NLRP8: variants seen among roughly 807,000 people sequenced by gnomAD.
The protein encoded by NLRP8 is NLR family pyrin domain containing 8, also known as NACHT, LRR and PYD domains-containing protein 8.
In NLRP8, 86 loss-of-function variants were observed where a neutral mutation model predicts 88.7. That is an observed-to-expected ratio of 0.97 (90% CI 0.81 to 1.16). The LOEUF (loss-of-function observed/expected upper bound fraction) is 1.16, where lower values mean the gene tolerates loss of function less well. Ranked by LOEUF, NLRP8 falls within the 50% of genes most tolerant of loss-of-function variation. NLRP8 has a pLI of 0.00. For missense variants in NLRP8, 1,342 were observed against 1,286.5 expected (o/e 1.04, Z -0.66); for synonymous variants, 504 against 494.6 (o/e 1.02, Z -0.25).
At chr19:55,967,105 G>A (rs1435909798) in intron 5 of NLRP8, among the ~76,000 whole-genome samples, 1 of 152,170 alleles carries the variant, frequency 6.6e-6, no homozygotes, top group Non-Finnish European at 1.5e-5. Context: ...ATTTTGGAAT[G>A]TACAATTTAT....
intron 3 of NLRP8, 78 bp from the exon 4 acceptor site, chr19:55,961,989 A>C: frequency 6.8e-7 from 1 of 1,478,464 alleles, no homozygotes. Context: ...AGGATAGGGA[A>C]CACCAGCCCT....
chr19:55,960,813 A>AT (rs1433485880), intron 3 of NLRP8, among the ~76,000 whole-genome samples: 6 of 152,016 alleles, frequency 3.9e-5, no homozygotes, highest in Middle Eastern at 3.4e-3. Context: ...TTTTCAATGA[A>AT]GTATTCTTTG....
At chr19:55,975,637 G>A (rs1019102822) in intron 7 of NLRP8, among the ~76,000 whole-genome samples, 12 of 152,158 alleles carry the variant, frequency 7.9e-5, no homozygotes, top group Non-Finnish European at 1.2e-4. Context: ...CAGCATGGAC[G>A]AATCTTCAAA....
At chr19:55,967,746 A>G (rs1437665977) in intron 5 of NLRP8, among the ~76,000 whole-genome samples, 1 of 152,256 alleles carries the variant, frequency 6.6e-6, no homozygotes, top group Non-Finnish European at 1.5e-5. Context: ...GCAGCCTGAA[A>G]GAGCTGATTT....
At chr19:55,956,142 G>T in intron 3 of NLRP8, 42 bp downstream of exon 3, 1 of 1,565,946 alleles carries the variant, frequency 6.4e-7, no homozygotes. Context: ...GTCCTACCCG[G>T]AGGCCTTGAC....
At chr19:55,977,387 TAA>T in intron 8 of NLRP8, among the ~76,000 whole-genome samples, 1 of 141,884 alleles carries the variant, frequency 7.0e-6, no homozygotes, top group African/African-American at 2.6e-5. Context: ...ATATATAAAA[TAA>T]ATACGAATAT....
At position 55,956,033 on chromosome 19, in the gene NLRP8, G is replaced by A. The variant is rs772502370; in HGVS notation, c.1975G>A (p.Glu659Lys). ...GCGGTGTCAATATTTGCATGAGGTGGAACTGACCGTCACCCTGAACTTCAT... is the reference window on the plus strand; with the variant it reads ...GCGGTGTCAATATTTGCATGAGGTGAAACTGACCGTCACCCTGAACTTCAT... Residue 659 changes from glutamate (E) to lysine (K), a missense_variant, in exon 3 of 10, where the codon GAA becomes AAA. Physicochemically the swap from Glu to Lys is moderately conservative, Grantham distance 56. Transcript: ENST00000291971. The A allele has an allele frequency of 1.2e-6, 2 of 1,614,128 alleles. No homozygotes were observed. The highest frequency in any genetic ancestry group is 1.7e-6 in the Non-Finnish European group (2 of 1,180,020).
chr19:55,965,591 G>C (rs936228145), intron 4 of NLRP8, among the ~76,000 whole-genome samples: 4 of 152,118 alleles, frequency 2.6e-5, no homozygotes, highest in African/African-American at 9.7e-5. Context: ...CGTTCCCTTT[G>C]CTTTAAGAAA....
chr19:55,952,559 C>A lies in NLRP8; in HGVS notation c.389C>A (p.Pro130Gln). The change falls in exon 2 of 10, where the codon CCA becomes CAA. Residue 130 changes from proline (P) to glutamine (Q), a missense_variant. Pro to Gln is a moderately conservative substitution (Grantham distance 76). Transcript: ENST00000291971. ...ACAGCCATTCTGCCTACCTTGGAACCAGAGGACTTGAATGTGGGAGAAACA... is the reference window on the plus strand; with the variant it reads ...ACAGCCATTCTGCCTACCTTGGAACAAGAGGACTTGAATGTGGGAGAAACA... 1 of 1,613,988 alleles carries A rather than the reference C, an allele frequency of 6.2e-7. No homozygotes were observed. The highest frequency in any genetic ancestry group is 8.5e-7 in the Non-Finnish European group (1 of 1,179,930).
In NLRP8 at chr19:55,984,172, G is replaced by A. The variant is rs10419311; in HGVS notation, c.3048-3642G>A. 2.2e-3 allele frequency among the ~76,000 whole-genome samples: 335 copies of A among 152,050 alleles called. 4 individuals carry two copies. The highest frequency in any genetic ancestry group is 7.8e-3 in the African/African-American group (322 of 41,462). ...CACAAACAATGTGATTACATACATA[G>A]AACAAGAACTGATAATCCTGGTAAA... is the stretch of plus-strand genomic sequence containing the variant. On this transcript the variant is annotated intron_variant, in intron 9 of 9. Coordinates refer to ENST00000291971, the MANE Select transcript of NLRP8 (RefSeq NM_176811.2).
chr19:55,976,079 GT>G lies in NLRP8; in HGVS notation c.2706-52del, dbSNP rs1332132004. 6.9e-4 allele frequency: 964 copies of G among 1,387,788 alleles called. 3 individuals carry two copies. Among genetic ancestry groups the G allele is most frequent in the East Asian group, 1.6e-3 (63 of 38,612 alleles). The allele number at this position is 1,387,788 out of a possible 1,614,324, so 86.0% of individuals were successfully genotyped here. A position where few individuals can be genotyped will look rare whatever the true frequency, so the allele number is the denominator to read the frequency against. On this transcript the variant is annotated intron_variant, in intron 7 of 9. Transcript: ENST00000291971. ...GGGTGTTTTCGTTGTTGTTGTTGTT[GT>G]TGTTTTGTTGTAGTTGTTGTTGTTG...
chr19:55,978,108 C>T (rs900424007), intron 8 of NLRP8, among the ~76,000 whole-genome samples: 1 of 152,032 alleles, frequency 6.6e-6, no homozygotes, highest in African/African-American at 2.4e-5. Context: ...TTTATGTTTC[C>T]AGTATACCTG....
chr19:55,974,994 G>A (rs113319674), intron 7 of NLRP8, among the ~76,000 whole-genome samples: 59 of 152,280 alleles, frequency 3.9e-4, no homozygotes, highest in Admixed American at 7.2e-4. Flanking sequence ...CTCCTGCTCT[G>A]TCACGAGGTA....
chr19:55,970,681 A>T lies in NLRP8; in HGVS notation c.2519A>T (p.Gln840Leu), dbSNP rs995329326. ...GGGGCGTATTACCTGTCTGTGGCCC[A>T]GCTGGAGAGGCTGTCGTAAGTCTCC... Residue 840 changes from glutamine (Q) to leucine (L), a missense_variant, in exon 6 of 10, where the codon CAG (glutamine) becomes CTG (leucine). Transcript: ENST00000291971. 2 of 1,614,078 alleles carry T rather than the reference A, an allele frequency of 1.2e-6. No individual in the cohort carries two copies. The highest frequency in any genetic ancestry group is 1.7e-6 in the Non-Finnish European group (2 of 1,179,984).
At chr19:55,957,724 T>TATAA (rs1979442408) in intron 3 of NLRP8, among the ~76,000 whole-genome samples, 1 of 96,384 alleles carries the variant, frequency 1.0e-5, no homozygotes, top group Non-Finnish European at 2.0e-5. Flanking sequence ...TATATATATA[T>TATAA]AAAATAAGGT....
intron 3 of NLRP8, 52 bp from the exon 4 acceptor site, chr19:55,962,015 A>AT (rs1600303738): frequency 6.3e-7 from 1 of 1,586,246 alleles, no homozygotes; most frequent in East Asian, 2.2e-5. Flanking sequence ...TTCCTAGTAG[A>AT]TTTTCTCCAG....
At chr19:55,980,867 G>A (rs2098107660) in intron 9 of NLRP8, among the ~76,000 whole-genome samples, 192 bp from the exon 10 acceptor site, 1 of 152,134 alleles carries the variant, frequency 6.6e-6, no homozygotes, top group Admixed American at 6.5e-5. Flanking sequence ...GGCTGTCTTG[G>A]TTGAACCCCA....
At chr19:55,974,484 G>A (rs1403294854) in intron 7 of NLRP8, among the ~76,000 whole-genome samples, 2 of 151,018 alleles carry the variant, frequency 1.3e-5, no homozygotes, top group African/African-American at 4.9e-5. Flanking sequence ...ACTGTTTTGG[G>A]AGGCCTGTAA....
At chr19:55,970,243 C>T (rs1980013941) in intron 5 of NLRP8, among the ~76,000 whole-genome samples, 1 of 152,022 alleles carries the variant, frequency 6.6e-6, no homozygotes, top group African/African-American at 2.4e-5. Flanking sequence ...TAAATATACA[C>T]AATTATATTT....
Sources: gnomAD v4.1 joint callset for allele counts (sites outside exome capture counted in the v4.1 genomes callset) on GRCh38, gnomAD v4.1.1 for gene constraint, MANE v1.5 for transcripts, NCBI Gene and HGNC (gene_info 2026-07-23, HGNC 2026-07-21) for gene names.